Variants in DAPK1 observed in about 807,000 individuals in gnomAD.
DAPK1 encodes death associated protein kinase 1.
Under a neutral mutation model 144.9 loss-of-function variants are expected in DAPK1, and 56 were observed. The observed-to-expected ratio is 0.39, with a 90% CI of 0.31 to 0.48. DAPK1 has a LOEUF of 0.48. DAPK1 is among the 20% of genes least tolerant of loss of function. DAPK1 has a pLI of 0.95. For missense variants in DAPK1, 1,454 were observed against 1,875.4 expected, an observed-to-expected ratio of 0.78 and a Z score of 4.15; for synonymous variants, 690 against 749.0, an observed-to-expected ratio of 0.92 and a Z score of 1.29.
intron 17 of DAPK1, among the ~76,000 whole-genome samples, chr9:87,655,369 A>T (rs1189760234): frequency 6.6e-6 from 1 of 151,470 alleles, no homozygotes; most frequent in Admixed American, 6.6e-5. Context: ...TTTTTTTTTT[A>T]AAGGAAAGGT....
rs1831150467 is a variant in DAPK1 at position 87,668,771 on chromosome 9, C to T, written c.2001+97C>T. On this transcript the variant is annotated intron_variant, in intron 19 of 25. Transcript: ENST00000408954. ...ATTTGAGAATGAGCAAAATGAGGCTCTAGACAGCCAGGTTTTAGGAACAGT... is the reference window on the plus strand; with the variant it reads ...ATTTGAGAATGAGCAAAATGAGGCTTTAGACAGCCAGGTTTTAGGAACAGT... 3 of 815,122 alleles carry T rather than the reference C, an allele frequency of 3.7e-6. No individual in the cohort carries two copies. In the Admixed American group the frequency reaches 5.4e-5, roughly 15 times the overall value. 50.5% of individuals were successfully genotyped at this position (815,122 alleles called of 1,614,324 possible).
chr9:87,509,566 G>A (rs1382775100), intron 2 of DAPK1, among the ~76,000 whole-genome samples: 1 of 152,126 alleles, frequency 6.6e-6, no homozygotes, highest in Non-Finnish European at 1.5e-5. Flanking sequence ...CTCCATGTTG[G>A]TCAGGCTGGT....
At chr9:87,671,473 A>G (rs1824146430) in intron 19 of DAPK1, among the ~76,000 whole-genome samples, 1 of 151,512 alleles carries the variant, frequency 6.6e-6, no homozygotes, top group Non-Finnish European at 1.5e-5. Context: ...TCTAAAGGAG[A>G]GGTCAAGGAA....
Position 87,642,394 on chromosome 9 carries a change from G to A in DAPK1, c.918+336G>A, listed in dbSNP as rs145144509. On this transcript the variant is annotated intron_variant, in intron 10 of 25. Coordinates refer to ENST00000408954, the MANE Select transcript of DAPK1 (RefSeq NM_004938.4). ...TAAATAAATTCATTCTTTGTGGTAA[G>A]CAGCATGAGATTACATTTGTGCTGT... 3.9e-5 allele frequency among the ~76,000 whole-genome samples: 6 copies of A among 152,224 alleles called. No individual in the cohort carries two copies. The East Asian group carries it at 7.7e-4, about 20-fold the overall frequency.
intron 2 of DAPK1, chr9:87,525,316 G>C (rs7048413): frequency 0.32 from 518,798 of 1,596,550 alleles, 90,260 homozygotes; most frequent in African/African-American, 0.39. Flanking sequence ...GTCACCAGCA[G>C]CTGTACTGGA....
intron 3 of DAPK1, among the ~76,000 whole-genome samples, chr9:87,607,076 A>C: frequency 6.7e-6 from 1 of 149,148 alleles, no homozygotes; most frequent in African/African-American, 2.6e-5. Flanking sequence ...CGTAACTGAG[A>C]ACTCTGGCTT....
chr9:87,501,735 C>T (rs367959007), intron 2 of DAPK1, among the ~76,000 whole-genome samples: 5 of 152,120 alleles, frequency 3.3e-5, no homozygotes, highest in Admixed American at 6.6e-5. Flanking sequence ...TGAAAATGTT[C>T]GTATTTGTGT....
chr9:87,652,567 T>G (rs1830489920), intron 17 of DAPK1, among the ~76,000 whole-genome samples: 1 of 138,250 alleles, frequency 7.2e-6, no homozygotes, highest in African/African-American at 2.8e-5. Context: ...TCCTCTCACC[T>G]GATCCCGGGT....
At chr9:87,697,248 G>A (rs1388361436) in intron 22 of DAPK1, 44 bp downstream of exon 22, 1 of 914,538 alleles carries the variant, frequency 1.1e-6, no homozygotes, top group Non-Finnish European at 1.8e-6. Flanking sequence ...ACCTGTGGTT[G>A]GCCAGGAATC....
intron 21 of DAPK1, among the ~76,000 whole-genome samples, chr9:87,693,714 A>T (rs36218435): frequency 0.013 from 1,948 of 152,208 alleles, 15 homozygotes; most frequent in Non-Finnish European, 0.02. Flanking sequence ...ACTTGCTTTC[A>T]TAGGGGAGGG....
chr9:87,651,513 G>C lies in DAPK1; in HGVS notation c.1627-14G>C, dbSNP rs367605840. ...AAGTGAAAAGCTCTCATGATCTCTG[G>C]GGTTTGTTTCCAGGACGGACACATT... is the stretch of plus-strand genomic sequence containing the variant. On this transcript the variant is annotated splice_polypyrimidine_tract_variant and intron_variant, in intron 16 of 25. Coordinates refer to ENST00000408954, the MANE Select transcript of DAPK1 (RefSeq NM_004938.4). 1.2e-6 allele frequency: 2 copies of C among 1,613,870 alleles called. No individual in the cohort carries two copies. The highest frequency in any genetic ancestry group is 1.7e-5 in the Admixed American group (1 of 60,012).
At chr9:87,547,660 G>A (rs1249655237) in intron 2 of DAPK1, among the ~76,000 whole-genome samples, 3 of 151,950 alleles carry the variant, frequency 2.0e-5, no homozygotes, top group African/African-American at 7.3e-5. Flanking sequence ...TGATTGTGGA[G>A]GGTGGCAAGT....
At chr9:87,507,582 CAT>C (rs1824652774) in intron 2 of DAPK1, among the ~76,000 whole-genome samples, 1 of 152,092 alleles carries the variant, frequency 6.6e-6, no homozygotes, top group Admixed American at 6.6e-5. Context: ...AGTAACCTAA[CAT>C]ATAATTAGAG....
chr9:87,570,184 A>G (rs1355440420), intron 2 of DAPK1, among the ~76,000 whole-genome samples: 1 of 152,170 alleles, frequency 6.6e-6, no homozygotes, highest in Non-Finnish European at 1.5e-5. Flanking sequence ...CTGCTGATCA[A>G]ATATTACTAA....
chr9:87,653,977 A>G (rs1830546346), intron 17 of DAPK1, among the ~76,000 whole-genome samples: 1 of 152,202 alleles, frequency 6.6e-6, no homozygotes, highest in South Asian at 2.1e-4. Flanking sequence ...TACAGGCATG[A>G]GCCATCACAC....
At chr9:87,499,248 T>C in intron 2 of DAPK1, 109 bp downstream of exon 2, 1 of 976,298 alleles carries the variant, frequency 1.0e-6, no homozygotes, top group Non-Finnish European at 1.6e-6. Flanking sequence ...CCTCGCCCTT[T>C]CTGGAGATGC....
intron 2 of DAPK1, among the ~76,000 whole-genome samples, chr9:87,512,466 G>C (rs1824883634): frequency 6.6e-6 from 1 of 152,144 alleles, no homozygotes; most frequent in Non-Finnish European, 1.5e-5. Context: ...AGCCAGAACT[G>C]TCCGTGCCAA....
At chr9:87,532,579 G>C (rs1486048338) in intron 2 of DAPK1, among the ~76,000 whole-genome samples, 3 of 152,086 alleles carry the variant, frequency 2.0e-5, no homozygotes, top group African/African-American at 7.2e-5. Flanking sequence ...ATATTATAAT[G>C]TGAAATTCTT....
At chr9:87,568,666 A>C (rs1827222877) in intron 2 of DAPK1, among the ~76,000 whole-genome samples, 1 of 152,186 alleles carries the variant, frequency 6.6e-6, no homozygotes, top group South Asian at 2.1e-4. Context: ...ACAACCCACT[A>C]GGATATGGAA....
Sources: gnomAD v4.1 joint callset for allele counts (sites outside exome capture counted in the v4.1 genomes callset) on GRCh38, gnomAD v4.1.1 for gene constraint, MANE v1.5 for transcripts, NCBI Gene and HGNC (gene_info 2026-07-23, HGNC 2026-07-21) for gene names.